BACH2: variants seen among roughly 807,000 people sequenced by gnomAD.
BACH2 encodes transcription regulator protein BACH2.
Under a neutral mutation model 61.8 loss-of-function variants are expected in BACH2, and 5 were observed. The ratio of observed to expected loss-of-function variants is 0.08; its 90% CI spans 0.04 to 0.17. The LOEUF (loss-of-function observed/expected upper bound fraction) is 0.17, where lower values mean the gene tolerates loss of function less well. BACH2 is among the 10% of genes least tolerant of loss of function. The pLI, the probability that BACH2 is intolerant of heterozygous loss-of-function variation, is 1.00. For synonymous variants in BACH2, 446 were observed against 440.1 expected, an observed-to-expected ratio of 1.01 and a Z score of -0.17; for missense variants, 824 against 1,091.1, an observed-to-expected ratio of 0.76 and a Z score of 3.45.
intron 4 of BACH2, among the ~76,000 whole-genome samples, chr6:90,155,999 C>T (rs1226093526): frequency 6.6e-6 from 1 of 151,998 alleles, no homozygotes; most frequent in African/African-American, 2.4e-5. Flanking sequence ...TTTTTTTCCC[C>T]AATGGAAATC....
At chr6:90,256,009 T>C (rs374777174) in intron 2 of BACH2, among the ~76,000 whole-genome samples, 1 of 152,210 alleles carries the variant, frequency 6.6e-6, no homozygotes, top group Non-Finnish European at 1.5e-5. Flanking sequence ...AAGTTTTCCT[T>C]TTAAAACTAT....
At chr6:90,185,511 A>G (rs1265271898) in intron 4 of BACH2, among the ~76,000 whole-genome samples, 1 of 152,234 alleles carries the variant, frequency 6.6e-6, no homozygotes, top group Non-Finnish European at 1.5e-5. Context: ...TCACTAAAAT[A>G]TAACACGATC....
chr6:90,211,835 G>A (rs1005085124), intron 3 of BACH2, among the ~76,000 whole-genome samples: 24 of 152,184 alleles, frequency 1.6e-4, no homozygotes, highest in African/African-American at 5.8e-4. Flanking sequence ...GTCACTCTTC[G>A]CAGTGTTAAA....
At chr6:90,247,386 C>T (rs1192690624) in intron 3 of BACH2, among the ~76,000 whole-genome samples, 2 of 150,858 alleles carry the variant, frequency 1.3e-5, no homozygotes, top group South Asian at 2.1e-4. Context: ...CAGGCATGCA[C>T]CACCATGTAC....
rs6926678 is a variant in BACH2, at chr6:90,174,020, C to G, written c.-162+32549G>C. On this transcript the variant is annotated intron_variant, in intron 4 of 8. Coordinates refer to ENST00000257749, the MANE Select transcript of BACH2 (RefSeq NM_021813.4). ...ATTTTAGGCAAAGAGATAAAAAGGG[C>G]CATCACATATTAATAGAAATATTTA... 7.8e-3 allele frequency among the ~76,000 whole-genome samples: 1,187 copies of G among 152,038 alleles called. 10 individuals are homozygous for G. Among genetic ancestry groups the G allele is most frequent in the African/African-American group, 0.021 (872 of 41,464 alleles).
chr6:90,052,753 C>G (rs1780112806), intron 5 of BACH2, among the ~76,000 whole-genome samples: 1 of 152,174 alleles, frequency 6.6e-6, no homozygotes, highest in African/African-American at 2.4e-5. Flanking sequence ...ATCAACAAAG[C>G]TACATAGCTC....
chr6:90,261,443 T>G (rs116064937), intron 2 of BACH2, among the ~76,000 whole-genome samples: 1,603 of 152,220 alleles, frequency 0.011, 28 homozygotes, highest in African/African-American at 0.037. Flanking sequence ...CTTGAAAGAG[T>G]AGTATAAATG....
chr6:90,030,154 T>C (rs1199666573), intron 5 of BACH2, among the ~76,000 whole-genome samples: 1 of 152,212 alleles, frequency 6.6e-6, no homozygotes, highest in Non-Finnish European at 1.5e-5. Flanking sequence ...GAGATGGCTC[T>C]GATCCCACCC....
intron 4 of BACH2, among the ~76,000 whole-genome samples, chr6:90,122,245 C>CG (rs1783658858): frequency 6.6e-6 from 1 of 152,194 alleles, no homozygotes; most frequent in Non-Finnish European, 1.5e-5. Context: ...GACCAGACAT[C>CG]GGCAAAGTAT....
At chr6:90,060,763 C>T (rs1780642889) in intron 5 of BACH2, among the ~76,000 whole-genome samples, 1 of 152,050 alleles carries the variant, frequency 6.6e-6, no homozygotes, top group South Asian at 2.1e-4. Flanking sequence ...ATTACATTTG[C>T]TTTATCTGGA....
At chr6:90,259,780 T>C (rs1771098695) in intron 2 of BACH2, among the ~76,000 whole-genome samples, 1 of 152,218 alleles carries the variant, frequency 6.6e-6, no homozygotes, top group Non-Finnish European at 1.5e-5. Context: ...TATTTCTTCC[T>C]GAGTCAATCC....
chr6:90,128,285 G>A (rs549349559), intron 4 of BACH2, among the ~76,000 whole-genome samples: 5 of 152,024 alleles, frequency 3.3e-5, no homozygotes, highest in African/African-American at 1.2e-4. Context: ...AATTTGTTTG[G>A]TGGTAAGAGT....
At chr6:90,267,816 T>C (rs948742090) in intron 2 of BACH2, among the ~76,000 whole-genome samples, 2 of 152,138 alleles carry the variant, frequency 1.3e-5, no homozygotes, top group Admixed American at 6.6e-5. Context: ...AAAATGTCCC[T>C]TCTCCATGTA....
At position 90,063,474 on chromosome 6, in the gene BACH2, C is replaced by T. The variant is rs555603324; in HGVS notation, c.-13+25487G>A. On this transcript the variant is annotated intron_variant, in intron 5 of 8. Transcript: ENST00000257749. ...ACAAATTGAAAGGCCAAATGATGTGCATATAATTTTGGGTAGGTAGTGCTA... is the reference window on the plus strand; with the variant it reads ...ACAAATTGAAAGGCCAAATGATGTGTATATAATTTTGGGTAGGTAGTGCTA... Among the ~76,000 whole-genome samples, 85 of 152,186 alleles carry T rather than the reference C, an allele frequency of 5.6e-4. 1 individual carries two copies. Among genetic ancestry groups the T allele is most frequent in the African/African-American group, 2.0e-3 (81 of 41,518 alleles).
intron 4 of BACH2, among the ~76,000 whole-genome samples, chr6:90,111,180 G>C (rs964719716): frequency 1.2e-4 from 19 of 152,102 alleles, no homozygotes; most frequent in African/African-American, 4.3e-4. Flanking sequence ...TCCCTGATAA[G>C]ATCTTGCGGG....
intron 6 of BACH2, among the ~76,000 whole-genome samples, chr6:90,005,097 G>C (rs1777336824): frequency 6.6e-6 from 1 of 152,128 alleles, no homozygotes; most frequent in Non-Finnish European, 1.5e-5. Flanking sequence ...GCTCTAATGT[G>C]CTGGTAATGG....
At chr6:90,207,257 T>C (rs1339112994) in intron 3 of BACH2, among the ~76,000 whole-genome samples, 1 of 152,094 alleles carries the variant, frequency 6.6e-6, no homozygotes, top group Non-Finnish European at 1.5e-5. Context: ...CAGCTGGGGC[T>C]ACAGGCGTGC....
chr6:90,073,023 G>A (rs1455369492), intron 5 of BACH2, among the ~76,000 whole-genome samples: 2 of 152,212 alleles, frequency 1.3e-5, no homozygotes, highest in Admixed American at 6.5e-5. Context: ...ATGAGAAGGA[G>A]CAAAAAGGAA....
rs1348143468 is a variant in BACH2 at position 90,296,511 on chromosome 6, T to G, written c.-477A>C. The G allele has an allele frequency of 6.6e-6, 1 of 151,406 alleles. No homozygotes were observed. The highest frequency in any genetic ancestry group is 2.0e-4 in the East Asian group (1 of 5,114). 9.4% of individuals were successfully genotyped at this position (151,406 alleles called of 1,614,324 possible). A position where few individuals can be genotyped will look rare whatever the true frequency, so the allele number is the denominator to read the frequency against. On this transcript the variant is annotated 5_prime_UTR_variant, in exon 1 of 9. Transcript: ENST00000257749. ...GGAGAACTTTGCGTCCTTTTCCGCC[T>G]CCTCTTCCCCGCGTCTTCCCGGCTC...
Sources: gnomAD v4.1 joint callset for allele counts (sites outside exome capture counted in the v4.1 genomes callset) on GRCh38, gnomAD v4.1.1 for gene constraint, MANE v1.5 for transcripts, NCBI Gene and HGNC (gene_info 2026-07-23, HGNC 2026-07-21) for gene names.